The following CATSPERB variants were observed in gnomAD, a reference collection of about 807,000 sequenced individuals.
CATSPERB encodes cation channel sperm-associated auxiliary subunit beta.
In CATSPERB, 93 loss-of-function variants were observed where a neutral mutation model predicts 128.3. The ratio of observed to expected loss-of-function variants is 0.72; its 90% CI spans 0.61 to 0.86. The LOEUF (loss-of-function observed/expected upper bound fraction) is 0.86. Ranked by LOEUF, CATSPERB falls within the 40% of genes least tolerant of loss-of-function variation. The pLI is 0.00. For synonymous variants in CATSPERB, 381 were observed against 448.8 expected (o/e 0.85, Z 1.91); for missense variants, 1,153 against 1,329.5 (o/e 0.87, Z 2.06).
chr14:91,621,823 G>C lies in CATSPERB; in HGVS notation c.2045C>G (p.Thr682Ser), dbSNP rs772377586. The C allele has an allele frequency of 2.2e-5, 35 of 1,614,124 alleles. 1 individual carries two copies. The Middle Eastern group carries it at 4.6e-3, about 213-fold the overall frequency. ...LDNKNALAIA[T>S]MPESAPNNMT... ...ATTGTTGGGTGCACTTTCAGGCATGGTAGCAATGGCTAATGCATTCTTATT... is the reference window on the plus strand; with the variant it reads ...ATTGTTGGGTGCACTTTCAGGCATGCTAGCAATGGCTAATGCATTCTTATT... The change falls in exon 19 of 27, where the codon ACC (threonine) becomes AGC (serine). Residue 682 changes from threonine to serine, a missense_variant. Transcript: ENST00000256343.
intron 5 of CATSPERB, among the ~76,000 whole-genome samples, chr14:91,716,516 T>A (rs947388046): frequency 6.6e-6 from 1 of 152,114 alleles, no homozygotes; most frequent in Middle Eastern, 3.2e-3. Flanking sequence ...AGGCGGAGGC[T>A]GCAGTGAGCT....
chr14:91,612,443 A>G (rs569292354), intron 20 of CATSPERB, among the ~76,000 whole-genome samples: 62 of 152,260 alleles, frequency 4.1e-4, no homozygotes, highest in African/African-American at 1.3e-3. Context: ...GAGCCACCAT[A>G]CTTAGCCTGA....
intron 1 of CATSPERB, 141 bp downstream of exon 1, chr14:91,731,788 AT>A (rs1896216769): frequency 6.6e-6 from 1 of 152,170 alleles, no homozygotes; most frequent in South Asian, 2.1e-4. Context: ...CTAAATAAAC[AT>A]TGGGAATTGC....
rs573462213 is a variant in CATSPERB, at chr14:91,636,945, G to A, written c.1588-366C>T. 2.6e-4 allele frequency among the ~76,000 whole-genome samples: 40 copies of A among 152,268 alleles called. 1 individual carries two copies. Among genetic ancestry groups the A allele is most frequent in the Non-Finnish European group, 4.6e-4 (31 of 68,022 alleles). ...TGAAGTTTTATTTAGGAAAGGGCCCGTGAAATCCCTGTCCTCACTTGCTGC... is the reference window on the plus strand; with the variant it reads ...TGAAGTTTTATTTAGGAAAGGGCCCATGAAATCCCTGTCCTCACTTGCTGC... On this transcript the variant is annotated intron_variant, in intron 16 of 26. Coordinates refer to ENST00000256343, the MANE Select transcript of CATSPERB (RefSeq NM_024764.4).
Position 91,617,628 on chromosome 14 carries a change from G to A in CATSPERB, c.2369C>T (p.Thr790Ile). ...TFDDTDSYVI[T>I]ISAASKVLHQ... The stretch of plus-strand genomic sequence containing the variant: ...TAAAACTTTGCTAGCTGCAGAAATT[G>A]TTATTACATAACTGTCAGTATCATC... The change falls in exon 20 of 27, where the codon ACA (threonine) becomes ATA (isoleucine). Residue 790 changes from threonine to isoleucine, a missense_variant. Coordinates refer to ENST00000256343, the MANE Select transcript of CATSPERB (RefSeq NM_024764.4). The A allele has an allele frequency of 1.3e-6, 2 of 1,586,514 alleles. No individual in the cohort carries two copies. The highest frequency in any genetic ancestry group is 1.7e-6 in the Non-Finnish European group (2 of 1,172,254).
intron 12 of CATSPERB, among the ~76,000 whole-genome samples, chr14:91,673,367 C>T (rs75342873): frequency 6.6e-6 from 1 of 152,100 alleles, no homozygotes; most frequent in South Asian, 2.1e-4. Context: ...GTGTAAATCC[C>T]CCAATTTTAC....
At chr14:91,727,943 C>G (rs1409329496) in intron 2 of CATSPERB, among the ~76,000 whole-genome samples, 6 of 152,174 alleles carry the variant, frequency 3.9e-5, no homozygotes, top group Non-Finnish European at 8.8e-5. Flanking sequence ...AGTTGTTTCT[C>G]TAAGGGACAT....
At chr14:91,694,882 G>C (rs1895533981) in intron 7 of CATSPERB, among the ~76,000 whole-genome samples, 1 of 152,140 alleles carries the variant, frequency 6.6e-6, no homozygotes, top group Non-Finnish European at 1.5e-5. Flanking sequence ...ATAACTACTG[G>C]GCTGGGGAGG....
At chr14:91,620,727 G>C (rs1215747219) in intron 19 of CATSPERB, among the ~76,000 whole-genome samples, 1 of 152,072 alleles carries the variant, frequency 6.6e-6, no homozygotes, top group Non-Finnish European at 1.5e-5. Flanking sequence ...GGTTCAAGGA[G>C]CCCTGTATAT....
intron 22 of CATSPERB, among the ~76,000 whole-genome samples, chr14:91,605,886 C>A (rs1210907645): frequency 1.3e-5 from 2 of 152,190 alleles, no homozygotes; most frequent in Non-Finnish European, 2.9e-5. Flanking sequence ...CTTTAAAATG[C>A]AGATTTCAGC....
intron 14 of CATSPERB, among the ~76,000 whole-genome samples, chr14:91,661,724 A>T (rs1475638624): frequency 6.6e-6 from 1 of 151,652 alleles, no homozygotes; most frequent in Non-Finnish European, 1.5e-5. Context: ...GGTTTTTGCC[A>T]TGTTGCCCAG....
At chr14:91,681,239 T>G (rs1895275773) in intron 11 of CATSPERB, among the ~76,000 whole-genome samples, 1 of 152,114 alleles carries the variant, frequency 6.6e-6, no homozygotes, top group Non-Finnish European at 1.5e-5. Flanking sequence ...CTTATTGATA[T>G]GGGGGGCTAT....
chr14:91,651,450 C>G (rs1213800898), intron 15 of CATSPERB, among the ~76,000 whole-genome samples: 2 of 152,140 alleles, frequency 1.3e-5, no homozygotes, highest in Non-Finnish European at 2.9e-5. Context: ...CTATGTCTGC[C>G]CTCTGCAAAT....
chr14:91,690,941 A>G (rs1895459089), intron 10 of CATSPERB, among the ~76,000 whole-genome samples: 1 of 152,260 alleles, frequency 6.6e-6, no homozygotes. Context: ...TTCCAACCGA[A>G]GCATGCTTAT....
At chr14:91,673,261 G>A (rs976835801) in intron 12 of CATSPERB, among the ~76,000 whole-genome samples, 1 of 152,082 alleles carries the variant, frequency 6.6e-6, no homozygotes, top group African/African-American at 2.4e-5. Flanking sequence ...GAAACTCAAC[G>A]GATCACTGCA....
intron 15 of CATSPERB, among the ~76,000 whole-genome samples, 179 bp from the exon 16 acceptor site, chr14:91,639,429 A>G (rs1894448132): frequency 6.6e-6 from 1 of 152,164 alleles, no homozygotes; most frequent in African/African-American, 2.4e-5. Context: ...CCTTTTCCAG[A>G]CTCCATGTCA....
intron 9 of CATSPERB, among the ~76,000 whole-genome samples, chr14:91,692,334 T>A (rs1332047519): frequency 6.6e-6 from 1 of 152,112 alleles, no homozygotes. Context: ...ACTTACAATA[T>A]ACAATCCCCG....
At chr14:91,717,223 G>T (rs529474564) in intron 5 of CATSPERB, among the ~76,000 whole-genome samples, 2 of 152,150 alleles carry the variant, frequency 1.3e-5, no homozygotes, top group Non-Finnish European at 2.9e-5. Flanking sequence ...AGATGGAGAG[G>T]GGTTGATTAT....
intron 16 of CATSPERB, among the ~76,000 whole-genome samples, chr14:91,637,502 A>G (rs1350404108): frequency 6.6e-6 from 1 of 152,210 alleles, no homozygotes; most frequent in African/African-American, 2.4e-5. Context: ...TCCTAGGGAA[A>G]GTGTATGCAA....
Sources: allele counts gnomAD v4.1 joint callset (sites outside exome capture counted in the v4.1 genomes callset), GRCh38; gene constraint gnomAD v4.1.1; transcripts MANE v1.5; gene names NCBI Gene and HGNC (gene_info 2026-07-23, HGNC 2026-07-21).